The following SLC20A2 variants were observed in gnomAD, a reference collection of about 807,000 sequenced individuals.
SLC20A2 encodes solute carrier family 20 member 2.
A neutral mutation model predicts 61.0 loss-of-function variants in SLC20A2; 30 were observed. The ratio of observed to expected loss-of-function variants is 0.49; its 90% confidence interval spans 0.37 to 0.67. SLC20A2 has a LOEUF of 0.67. SLC20A2 is among the 30% of genes least tolerant of loss of function. The pLI, the probability that SLC20A2 is intolerant of heterozygous loss-of-function variation, is 0.00. For missense variants in SLC20A2, 626 were observed against 866.4 expected (o/e 0.72, Z 3.48); for synonymous variants, 351 against 353.3 (o/e 0.99, Z 0.07).
chr8:42,444,606 G>T, intron 6 of SLC20A2, 40 bp downstream of exon 6: 1 of 1,477,410 alleles, frequency 6.8e-7, no homozygotes, highest in Non-Finnish European at 9.5e-7. Context: ...TTGGGAATCG[G>T]GAGCATTTCT....
chr8:42,529,250 T>C (rs1480764338), intron 1 of SLC20A2, among the ~76,000 whole-genome samples: 1 of 152,092 alleles, frequency 6.6e-6, no homozygotes, highest in African/African-American at 2.4e-5. Flanking sequence ...ATTACATGTG[T>C]GAGCTACCTC....
At chr8:42,537,829 C>G (rs1662704969) in intron 1 of SLC20A2, 1 of 152,214 alleles carries the variant, frequency 6.6e-6, no homozygotes, top group African/African-American at 2.4e-5. Flanking sequence ...AAGAGCATCT[C>G]TTACAGCTGC....
intron 2 of SLC20A2, among the ~76,000 whole-genome samples, chr8:42,468,139 T>C (rs1025713724): frequency 2.0e-5 from 3 of 152,094 alleles, no homozygotes; most frequent in African/African-American, 7.2e-5. Context: ...CCTGACCTCA[T>C]GATCCGCCTG....
At chr8:42,421,865 T>C (rs1344913131) in intron 10 of SLC20A2, among the ~76,000 whole-genome samples, 1 of 136,372 alleles carries the variant, frequency 7.3e-6, no homozygotes, top group Non-Finnish European at 1.5e-5. Context: ...TCAACAGAGA[T>C]CTTTTTTTTT....
In SLC20A2 at chr8:42,437,074, C is replaced by A. The variant is rs79577461; in HGVS notation, c.1438G>T (p.Ala480Ser). The change falls in exon 8 of 11, where the codon GCA (alanine) becomes TCA (serine). Residue 480 changes from alanine to serine, a missense_variant. Physicochemically the swap from Ala to Ser is moderately conservative, Grantham distance 99. This residue lies in a region of SLC20A2 where 361 missense variants were observed against 422.3 expected (regional missense o/e 0.85). Coordinates refer to ENST00000520262, the MANE Select transcript of SLC20A2 (RefSeq NM_001257180.2). The surrounding 1 kb of genome is among the most constrained non-coding windows in gnomAD (Gnocchi z 6.4). ...TGGAACAGGAGGTGAACCTCGGGTG[C>A]GTCCTTCTCCTCCTTCTCCTCCTCT... ...PAEEEKEEKD[A>S]PEVHLLFHFL... 1.9e-6 allele frequency: 3 copies of A among 1,613,940 alleles called. No homozygotes were observed. The highest frequency in any genetic ancestry group is 2.5e-6 in the Non-Finnish European group (3 of 1,180,038).
At chr8:42,536,376 C>T (rs1812697473) in intron 1 of SLC20A2, 1 of 152,258 alleles carries the variant, frequency 6.6e-6, no homozygotes, top group Non-Finnish European at 1.5e-5. Context: ...GTGTGTCCTC[C>T]CTGGCTGCTA....
chr8:42,486,139 A>AGT (rs1808986543), intron 1 of SLC20A2, among the ~76,000 whole-genome samples: 1 of 116,784 alleles, frequency 8.6e-6, no homozygotes, highest in East Asian at 2.4e-4. Flanking sequence ...GAGCTCTCTC[A>AGT]CTGTGTGTGT....
At chr8:42,463,773 G>A (rs1011211453) in intron 3 of SLC20A2, among the ~76,000 whole-genome samples, 2 of 152,068 alleles carry the variant, frequency 1.3e-5, no homozygotes, top group Non-Finnish European at 2.9e-5. Flanking sequence ...ATGGAAGGTG[G>A]GTTTCCTTGT....
chr8:42,443,264 G>GTTATATATATATAT (rs1187147221), intron 6 of SLC20A2, among the ~76,000 whole-genome samples: 3 of 105,474 alleles, frequency 2.8e-5, no homozygotes, highest in African/African-American at 1.0e-4. Flanking sequence ...ATTATTATAG[G>GTTATATATATATAT]ATATATATAT....
chr8:42,480,941 G>C (rs1381248089), intron 1 of SLC20A2, among the ~76,000 whole-genome samples: 1 of 152,118 alleles, frequency 6.6e-6, no homozygotes, highest in African/African-American at 2.4e-5. Context: ...GATTACAGAC[G>C]TGAGCCACTG....
intron 1 of SLC20A2, among the ~76,000 whole-genome samples, chr8:42,526,507 A>G (rs1399796050): frequency 2.0e-5 from 3 of 151,922 alleles, no homozygotes; most frequent in Admixed American, 2.0e-4. Context: ...CCCCGTCTCT[A>G]CTAAAAATAC....
In SLC20A2 at chr8:42,417,617, C is replaced by T. The variant is rs1280750822; in HGVS notation, c.*186G>A. ...ATTATGTACAGTAGTTAAGTTAGCT[C>T]GGGAAGGTGAGTCTCCGCAGCCTGG... On this transcript the variant is annotated 3_prime_UTR_variant, in exon 11 of 11. Coordinates refer to ENST00000520262, the MANE Select transcript of SLC20A2 (RefSeq NM_001257180.2). The T allele has an allele frequency of 1.5e-5, 8 of 535,142 alleles. No individual in the cohort carries two copies. The highest frequency in any genetic ancestry group is 3.1e-5 in the Admixed American group (1 of 32,774). 33.1% of individuals were successfully genotyped at this position (535,142 alleles called of 1,614,324 possible). A position where few individuals can be genotyped will look rare whatever the true frequency, so the allele number is the denominator to read the frequency against.
upstream of SLC20A2, chr8:42,501,371 T>G (rs901464897): frequency 6.6e-6 from 1 of 152,212 alleles, no homozygotes; most frequent in Non-Finnish European, 1.5e-5. Flanking sequence ...AGTCCAATAA[T>G]ACTAACTTCT....
At chr8:42,541,762 CCCCGCCCCGCGCCG>C (rs1366961705) in intron 1 of SLC20A2, 4 of 149,544 alleles carry the variant, frequency 2.7e-5, no homozygotes, top group South Asian at 2.1e-4. Flanking sequence ...CGTCACCCGG[CCCCGCCCCGCGCCG>C]CCCGCCCCGC....
chr8:42,421,866 CT>C (rs111297835), intron 10 of SLC20A2, among the ~76,000 whole-genome samples: 34 of 147,802 alleles, frequency 2.3e-4, no homozygotes, highest in South Asian at 1.1e-3. Flanking sequence ...CAACAGAGAT[CT>C]TTTTTTTTTT....
At chr8:42,459,150 C>T (rs537133590) in intron 5 of SLC20A2, among the ~76,000 whole-genome samples, 9 of 141,400 alleles carry the variant, frequency 6.4e-5, no homozygotes, top group South Asian at 4.7e-4. Context: ...GCAGGAGAAT[C>T]GCTTGAACCT....
At chr8:42,446,660 C>T (rs1805236505) in intron 5 of SLC20A2, among the ~76,000 whole-genome samples, 1 of 152,132 alleles carries the variant, frequency 6.6e-6, no homozygotes. Context: ...AAAAATAAAA[C>T]ATCCACCTTT....
intron 1 of SLC20A2, among the ~76,000 whole-genome samples, chr8:42,496,809 C>G (rs1809961922): frequency 6.6e-6 from 1 of 152,162 alleles, no homozygotes; most frequent in Non-Finnish European, 1.5e-5. Context: ...CTTGCAGCCC[C>G]CTCTCTTCTG....
At chr8:42,524,712 G>T (rs1345293123) in intron 1 of SLC20A2, among the ~76,000 whole-genome samples, 2 of 151,922 alleles carry the variant, frequency 1.3e-5, no homozygotes, top group East Asian at 3.8e-4. Context: ...CTTGAACCCG[G>T]GAGGCAGAGG....
Sources: gnomAD v4.1 joint callset for allele counts (sites outside exome capture counted in the v4.1 genomes callset) on GRCh38, gnomAD v4.1.1 for gene constraint, gnomAD v4.1.1 regional missense constraint, Gnocchi (gnomAD v3.1) non-coding constraint, MANE v1.5 for transcripts, NCBI Gene and HGNC (gene_info 2026-07-23, HGNC 2026-07-21) for gene names.